The following ATP7A variants were observed in gnomAD, a reference collection of about 807,000 sequenced individuals.
ATP7A encodes the protein ATPase copper transporting alpha.
A neutral mutation model predicts 83.5 loss-of-function variants in ATP7A; 7 were observed. That is an observed-to-expected ratio of 0.08 (90% CI 0.05 to 0.16). The LOEUF is 0.16. Ranked by LOEUF, ATP7A falls within the 10% of genes least tolerant of loss-of-function variation. ATP7A has a pLI of 1.00. For missense variants in ATP7A, 940 were observed against 1,120.8 expected (o/e 0.84, Z 2.30); for synonymous variants, 354 against 395.2 (o/e 0.90, Z 1.24).
At chrX:78,022,086 A>G (rs1482082246) in intron 14 of ATP7A, among the ~76,000 whole-genome samples, 1 of 111,347 alleles carries the variant, frequency 9.0e-6, no homozygotes, top group East Asian at 2.8e-4. Context: ...CATTTTGTTG[A>G]GTTGTTTTTC....
intron 1 of ATP7A, among the ~76,000 whole-genome samples, chrX:77,919,721 C>A (rs1557222900): frequency 8.9e-6 from 1 of 112,382 alleles, no homozygotes; most frequent in African/African-American, 3.2e-5. Context: ...CTCCTGACCT[C>A]AAATGATCCA....
At chrX:78,002,622 A>G (rs782795242) in intron 5 of ATP7A, among the ~76,000 whole-genome samples, 7 of 111,064 alleles carry the variant, frequency 6.3e-5, no homozygotes, top group Non-Finnish European at 1.1e-4. Context: ...AAAAGAGTCT[A>G]TTTTTTAGAG....
At position 78,000,845 on chromosome X, in the gene ATP7A, A is replaced by G. The variant is rs1167503025; in HGVS notation, c.1543+2161A>G. 1.2e-4 allele frequency among the ~76,000 whole-genome samples: 13 copies of G among 109,139 alleles called. No homozygotes were observed. The Admixed American group carries it at 1.3e-3, about 11-fold the overall frequency. 94.8% of individuals were successfully genotyped at this position (109,139 alleles called of 115,157 possible). A position where few individuals can be genotyped will look rare whatever the true frequency, so the allele number is the denominator to read the frequency against. The stretch of plus-strand genomic sequence containing the variant: ...ATGCCTGGCTAATTTTTGTATTTTT[A>G]GTAGAGACAGAGTTTCACCATGTTG... On this transcript the variant is annotated intron_variant, in intron 5 of 22. Coordinates refer to ENST00000341514, the MANE Select transcript of ATP7A (RefSeq NM_000052.7).
At chrX:77,917,923 T>C (rs1475222287) in intron 1 of ATP7A, among the ~76,000 whole-genome samples, 2 of 112,274 alleles carry the variant, frequency 1.8e-5, no homozygotes, top group Non-Finnish European at 3.8e-5. Flanking sequence ...TTGTAACCTG[T>C]GTTAGTACTC....
At chrX:77,967,215 G>A (rs1306253556) in intron 1 of ATP7A, among the ~76,000 whole-genome samples, 3 of 111,847 alleles carry the variant, frequency 2.7e-5, no homozygotes, top group Admixed American at 9.5e-5. Flanking sequence ...GTAAACATAC[G>A]TGTGCATGTG....
intron 17 of ATP7A, among the ~76,000 whole-genome samples, chrX:78,035,288 T>C (rs1283005824): frequency 8.1e-5 from 9 of 111,753 alleles, no homozygotes; most frequent in Non-Finnish European, 1.7e-4. Flanking sequence ...CAAAACATGA[T>C]CTACCCACCT....
chrX:78,044,321 G>A (rs2078071030), intron 21 of ATP7A, among the ~76,000 whole-genome samples: 2 of 107,383 alleles, frequency 1.9e-5, no homozygotes, highest in Non-Finnish European at 3.8e-5. Context: ...ATAAAAATCT[G>A]TATGCCTTTC....
At chrX:78,000,621 T>A in intron 5 of ATP7A, among the ~76,000 whole-genome samples, 1 of 107,171 alleles carries the variant, frequency 9.3e-6, no homozygotes, top group Middle Eastern at 4.8e-3. Context: ...ATAATATATG[T>A]TATATATAAA....
chrX:77,986,295 A>G (rs186412231), intron 2 of ATP7A, among the ~76,000 whole-genome samples: 1 of 112,301 alleles, frequency 8.9e-6, no homozygotes, highest in East Asian at 2.8e-4. Context: ...GAAGAAATAA[A>G]AATATGTTCA....
chrX:78,004,679 T>A (rs1462738217), intron 6 of ATP7A, among the ~76,000 whole-genome samples: 2 of 110,254 alleles, frequency 1.8e-5, no homozygotes, highest in African/African-American at 6.6e-5. Flanking sequence ...GGTCAGGAGT[T>A]CAAGACCAGC....
Position 78,033,689 on chromosome X carries a change from G to A in ATP7A, c.3379G>A (p.Glu1127Lys). The A allele has an allele frequency of 8.3e-7, 1 of 1,210,697 alleles. No individual in the cohort carries two copies. ...TATTAGCTGTAAAGTCACCAATATT[G>A]AAGGCTTGCTACATAAGAATAACTG... ...CGISCKVTNIEGLLHKNNWNI... is the reference protein window; with the variant it reads ...CGISCKVTNIKGLLHKNNWNI... Residue 1127 changes from glutamate to lysine, a missense_variant, in exon 17 of 23, where the codon GAA becomes AAA. Around this residue, in one of 3 missense-constraint regions of ATP7A, gnomAD observed 386 missense variants for 502.2 expected, o/e 0.77. Coordinates refer to ENST00000341514, the MANE Select transcript of ATP7A (RefSeq NM_000052.7).
chrX:77,920,420 T>C (rs2077207309), intron 1 of ATP7A, among the ~76,000 whole-genome samples: 1 of 109,895 alleles, frequency 9.1e-6, no homozygotes, highest in South Asian at 3.9e-4. Context: ...GGTTTCAACA[T>C]GTTAGCCAGG....
At chrX:77,959,817 G>A (rs1270436458) in intron 1 of ATP7A, among the ~76,000 whole-genome samples, 1 of 112,103 alleles carries the variant, frequency 8.9e-6, no homozygotes, top group Non-Finnish European at 1.9e-5. Context: ...GTGCACATGT[G>A]TGAGACTCTG....
intron 1 of ATP7A, among the ~76,000 whole-genome samples, chrX:77,933,518 A>C (rs1308217829): frequency 8.9e-6 from 1 of 111,865 alleles, no homozygotes; most frequent in African/African-American, 3.2e-5. Context: ...TTAGGACCGG[A>C]AGTGTTTCGG....
chrX:78,023,566 T>C (rs2077922143), intron 14 of ATP7A, among the ~76,000 whole-genome samples: 1 of 111,320 alleles, frequency 9.0e-6, no homozygotes, highest in Non-Finnish European at 1.9e-5. Context: ...ATGTTGAGTA[T>C]TTTTTCATGT....
At chrX:77,930,558 A>G (rs1405103965) in intron 1 of ATP7A, among the ~76,000 whole-genome samples, 1 of 111,861 alleles carries the variant, frequency 8.9e-6, no homozygotes, top group Non-Finnish European at 1.9e-5. Flanking sequence ...CCATTCACTC[A>G]ATACTGAAAT....
At chrX:77,988,949 A>G (rs2077654108) in intron 3 of ATP7A, among the ~76,000 whole-genome samples, 1 of 111,494 alleles carries the variant, frequency 9.0e-6, no homozygotes, top group African/African-American at 3.3e-5. Context: ...TTGGCAATTC[A>G]TGGAATTCAA....
At chrX:78,020,447 C>T (rs1557235634) in intron 13 of ATP7A, 49 bp downstream of exon 13, 4 of 1,175,775 alleles carry the variant, frequency 3.4e-6, no homozygotes, top group Non-Finnish European at 4.6e-6. Flanking sequence ...TTAAAGCCTT[C>T]TCAGTATAAA....
intron 2 of ATP7A, among the ~76,000 whole-genome samples, chrX:77,985,952 A>G (rs2077634149): frequency 8.9e-6 from 1 of 111,778 alleles, no homozygotes; most frequent in Non-Finnish European, 1.9e-5. Context: ...ATTAAAGTTT[A>G]AAAGAGGCCT....
Sources: gnomAD v4.1 joint callset for allele counts (sites outside exome capture counted in the v4.1 genomes callset) on GRCh38, gnomAD v4.1.1 for gene constraint, gnomAD v4.1.1 regional missense constraint, MANE v1.5 for transcripts, NCBI Gene and HGNC (gene_info 2026-07-23, HGNC 2026-07-21) for gene names.